The following SHB variants were observed in gnomAD, a reference collection of about 807,000 sequenced individuals.
SHB encodes SH2 domain containing adaptor protein B.
A neutral mutation model predicts 52.3 loss-of-function variants in SHB; 20 were observed. The observed-to-expected ratio is 0.38, with a 90% CI of 0.27 to 0.56. The LOEUF is 0.56. SHB is among the 20% of genes least tolerant of loss of function. The probability of loss-of-function intolerance (pLI) is 0.71; values close to 1 mark genes in which losing one functional copy is unlikely to be tolerated. For synonymous variants in SHB, 397 were observed against 316.5 expected (o/e 1.25, Z -2.70); for missense variants, 825 against 723.3 (o/e 1.14, Z -1.61).
chr9:37,937,133 C>T (rs1309926357), intron 5 of SHB, among the ~76,000 whole-genome samples: 1 of 152,206 alleles, frequency 6.6e-6, no homozygotes, highest in African/African-American at 2.4e-5. Flanking sequence ...CCCTACTGTC[C>T]TGTCTCCTTG....
intron 2 of SHB, among the ~76,000 whole-genome samples, chr9:37,998,872 C>T (rs1020975541): frequency 6.6e-6 from 1 of 152,222 alleles, no homozygotes; most frequent in Non-Finnish European, 1.5e-5. Context: ...AGAGGAAAGG[C>T]CCATTTTTCA....
intron 3 of SHB, among the ~76,000 whole-genome samples, chr9:37,961,450 T>C (rs1453259088): frequency 2.0e-5 from 3 of 152,134 alleles, no homozygotes; most frequent in Non-Finnish European, 2.9e-5. Context: ...TCTCCTGGGT[T>C]TGCAAACCCT....
chr9:37,990,804 G>A (rs2149547), intron 2 of SHB, among the ~76,000 whole-genome samples: 63,368 of 152,098 alleles, frequency 0.42, 13,288 homozygotes, highest in East Asian at 0.7. Context: ...AACACATCAC[G>A]CTACAGTCAC....
chr9:38,039,993 G>A (rs556153368), intron 1 of SHB, among the ~76,000 whole-genome samples: 3 of 152,260 alleles, frequency 2.0e-5, no homozygotes, highest in Non-Finnish European at 4.4e-5. Context: ...CTAGAGCTGC[G>A]CCCCAGGCGT....
chr9:38,050,570 T>G (rs1273192202), intron 1 of SHB, among the ~76,000 whole-genome samples: 1 of 152,230 alleles, frequency 6.6e-6, no homozygotes, highest in Non-Finnish European at 1.5e-5. Context: ...TTTGTTTCAG[T>G]ACCCTTCACA....
chr9:38,021,605 T>C (rs1395467047), intron 1 of SHB, among the ~76,000 whole-genome samples: 1 of 151,812 alleles, frequency 6.6e-6, no homozygotes, highest in East Asian at 1.9e-4. Context: ...GAGGCGGAGG[T>C]TGCAGTTAGC....
intron 1 of SHB, among the ~76,000 whole-genome samples, chr9:38,046,740 T>C (rs1821657196): frequency 6.6e-6 from 1 of 152,252 alleles, no homozygotes; most frequent in Admixed American, 6.5e-5. Context: ...CACAACTTGG[T>C]TTCTTGTGTC....
At chr9:37,984,064 G>A (rs1448840108) in intron 2 of SHB, among the ~76,000 whole-genome samples, 1 of 152,242 alleles carries the variant, frequency 6.6e-6, no homozygotes, top group African/African-American at 2.4e-5. Context: ...ACCCACTGGA[G>A]GAAGGATGTT....
chr9:38,055,990 G>C (rs975119475), intron 1 of SHB, among the ~76,000 whole-genome samples: 3 of 152,278 alleles, frequency 2.0e-5, no homozygotes, highest in African/African-American at 7.2e-5. Flanking sequence ...TTAATACCTA[G>C]TTACTTTCCT....
intron 2 of SHB, among the ~76,000 whole-genome samples, chr9:38,008,935 A>G (rs912899593): frequency 6.6e-6 from 1 of 152,164 alleles, no homozygotes; most frequent in Admixed American, 6.5e-5. Flanking sequence ...GGCACTACAG[A>G]GCTGGGGCTG....
intron 2 of SHB, among the ~76,000 whole-genome samples, chr9:37,982,230 C>A (rs1321461388): frequency 1.3e-5 from 2 of 152,220 alleles, no homozygotes; most frequent in Non-Finnish European, 2.9e-5. Flanking sequence ...TGGTGGCTCA[C>A]GCCTGTACTC....
At chr9:38,029,341 G>A (rs931413416) in intron 1 of SHB, among the ~76,000 whole-genome samples, 6 of 152,128 alleles carry the variant, frequency 3.9e-5, no homozygotes, top group African/African-American at 7.2e-5. Context: ...AGACAAGCAA[G>A]GTTTTACTCA....
chr9:38,020,813 G>T (rs78900470), intron 1 of SHB, among the ~76,000 whole-genome samples: 1,793 of 152,332 alleles, frequency 0.012, 33 homozygotes, highest in African/African-American at 0.041. Flanking sequence ...CCCTGAAAGT[G>T]ACGGGGTGGG....
At chr9:37,964,929 C>A (rs756354029) in intron 3 of SHB, among the ~76,000 whole-genome samples, 29 of 152,088 alleles carry the variant, frequency 1.9e-4, no homozygotes, top group Non-Finnish European at 4.0e-4. Flanking sequence ...CCGGGCCAGG[C>A]CCATCTGTAA....
At chr9:38,039,762 C>A (rs1040513563) in intron 1 of SHB, among the ~76,000 whole-genome samples, 10 of 152,236 alleles carry the variant, frequency 6.6e-5, no homozygotes, top group African/African-American at 2.4e-4. Context: ...CCAGGCTGGC[C>A]GGGCCCACCA....
At chr9:38,016,674 C>T (rs1462701658) in intron 1 of SHB, among the ~76,000 whole-genome samples, 1 of 152,162 alleles carries the variant, frequency 6.6e-6, no homozygotes, top group African/African-American at 2.4e-5. Flanking sequence ...CAACTACATA[C>T]AAAGATCACT....
At chr9:38,055,156 T>C (rs1180962348) in intron 1 of SHB, among the ~76,000 whole-genome samples, 1 of 152,244 alleles carries the variant, frequency 6.6e-6, no homozygotes, top group Non-Finnish European at 1.5e-5. Context: ...AGTGACGTGA[T>C]GTGAGTTAGG....
At chr9:37,925,844 T>G (rs1444265122) in intron 5 of SHB, among the ~76,000 whole-genome samples, 1 of 152,240 alleles carries the variant, frequency 6.6e-6, no homozygotes, top group Non-Finnish European at 1.5e-5. Flanking sequence ...AGAATGAGCT[T>G]GTGCATTTAA....
chr9:37,944,192 G>T (rs1832466428), intron 5 of SHB, among the ~76,000 whole-genome samples: 1 of 152,176 alleles, frequency 6.6e-6, no homozygotes, highest in African/African-American at 2.4e-5. Context: ...AGGGGCCCCT[G>T]CCATGGAGGG....
Sources: allele counts gnomAD v4.1 joint callset (sites outside exome capture counted in the v4.1 genomes callset), GRCh38; gene constraint gnomAD v4.1.1; transcripts MANE v1.5; gene names NCBI Gene and HGNC (gene_info 2026-07-23, HGNC 2026-07-21).